PHIP: variants seen among roughly 807,000 people sequenced by gnomAD.
The protein encoded by PHIP is PH-interacting protein.
PHIP carries 54 observed loss-of-function variants against 236.8 expected under a neutral mutation model. That is an observed-to-expected ratio of 0.23 (90% CI 0.18 to 0.29). The LOEUF is 0.29. PHIP is among the 10% of genes least tolerant of loss of function. The pLI is 1.00. For synonymous variants in PHIP, 756 were observed against 718.9 expected, an observed-to-expected ratio of 1.05 and a Z score of -0.83; for missense variants, 1,370 against 2,190.8, an observed-to-expected ratio of 0.63 and a Z score of 7.48.
intron 4 of PHIP, among the ~76,000 whole-genome samples, chr6:79,074,510 G>A (rs898327930): frequency 1.3e-5 from 2 of 152,004 alleles, no homozygotes; most frequent in Admixed American, 1.3e-4. Flanking sequence ...CTTGGAAAAA[G>A]TGCCCCTTTT....
At chr6:78,993,866 C>G (rs911266523) in intron 19 of PHIP, among the ~76,000 whole-genome samples, 3 of 152,134 alleles carry the variant, frequency 2.0e-5, no homozygotes, top group African/African-American at 7.2e-5. Flanking sequence ...TAAGAAATTG[C>G]ATTTCATAAG....
Position 79,015,101 on chromosome 6 carries a change from A to G in PHIP, c.1505T>C (p.Ile502Thr), listed in dbSNP as rs1274930445. 1 of 1,611,066 alleles carries G rather than the reference A, an allele frequency of 6.2e-7. No homozygotes were observed. The highest frequency in any genetic ancestry group is 1.3e-5 in the African/African-American group (1 of 74,790). ...IVWDLARGVK[I>T]RSYFNMIEGQ... ...AATTACCATATTGAAATAAGATCGT[A>G]TTTTGACTCCTCTTGCCAGATCCCA... The change falls in exon 15 of 40, where the codon ATA (isoleucine) becomes ACA (threonine). Residue 502 changes from isoleucine (I) to threonine (T), a missense_variant. Ile to Thr is a moderately conservative substitution (Grantham distance 89, BLOSUM62 -1). Around this residue, in one of 14 missense-constraint regions of PHIP, gnomAD observed 188 missense variants for 354.3 expected, o/e 0.53. Transcript: ENST00000275034.
intron 19 of PHIP, among the ~76,000 whole-genome samples, chr6:78,992,648 T>C (rs1390327273): frequency 2.6e-5 from 4 of 152,188 alleles, no homozygotes; most frequent in South Asian, 4.1e-4. Flanking sequence ...CTGTTGTCAG[T>C]AATTTTTTAT....
At chr6:79,026,397 C>T (rs765791534) in intron 7 of PHIP, among the ~76,000 whole-genome samples, 93 of 151,922 alleles carry the variant, frequency 6.1e-4, no homozygotes, top group Non-Finnish European at 9.4e-4. Flanking sequence ...TAATATTTAC[C>T]TTTGGTTCCC....
intron 7 of PHIP, among the ~76,000 whole-genome samples, chr6:79,041,487 A>C (rs999774431): frequency 1.3e-5 from 2 of 152,134 alleles, no homozygotes; most frequent in Non-Finnish European, 2.9e-5. Context: ...CAATGGCATA[A>C]CTTTATACTG....
At position 79,019,665 on chromosome 6, in the gene PHIP, A is replaced by C. The variant is rs187298516; in HGVS notation, c.924-506T>G. On this transcript the variant is annotated intron_variant, in intron 9 of 39. Coordinates refer to ENST00000275034, the MANE Select transcript of PHIP (RefSeq NM_017934.7). ...AAACATGTCTTTTAAGACCCCAAAA[A>C]GTAGGGATATTACATTTAACCTAGT... Among the ~76,000 whole-genome samples, 96 of 152,214 alleles carry C rather than the reference A, an allele frequency of 6.3e-4. 1 individual carries two copies. The South Asian group carries it at 8.1e-3, about 13-fold the overall frequency.
intron 20 of PHIP, among the ~76,000 whole-genome samples, chr6:78,989,426 C>A (rs1769074108): frequency 6.6e-6 from 1 of 152,034 alleles, no homozygotes; most frequent in South Asian, 2.1e-4. Flanking sequence ...TGTCTCCCCA[C>A]CAACCAAACA....
chr6:78,998,621 T>C (rs1769779496), intron 17 of PHIP, among the ~76,000 whole-genome samples: 1 of 152,176 alleles, frequency 6.6e-6, no homozygotes, highest in African/African-American at 2.4e-5. Context: ...TACTAAGTGT[T>C]TATCATGACT....
At chr6:79,037,580 TAATC>T (rs1391902016) in intron 7 of PHIP, among the ~76,000 whole-genome samples, 3 of 152,090 alleles carry the variant, frequency 2.0e-5, no homozygotes, top group Admixed American at 2.0e-4. Flanking sequence ...ATAATAATAA[TAATC>T]AGCCACATGA....
intron 24 of PHIP, among the ~76,000 whole-genome samples, chr6:78,974,176 C>G (rs1010332828): frequency 6.6e-6 from 1 of 152,128 alleles, no homozygotes; most frequent in Non-Finnish European, 1.5e-5. Context: ...AACAAACTAT[C>G]TCTCAGACCA....
rs760645377 is a variant in PHIP at position 79,025,961 on chromosome 6, T to C, written c.804A>G (p.Ala268=). 2 of 1,610,214 alleles carry C rather than the reference T, an allele frequency of 1.2e-6. No individual in the cohort carries two copies. The highest frequency in any genetic ancestry group is 8.5e-7 in the Non-Finnish European group (1 of 1,176,680). Residue 268 remains alanine (A), a synonymous_variant, in exon 8 of 40, where the codon GCA becomes GCG. Transcript: ENST00000275034. ...APLAVLQGHS[A]SITSLQFSPL... is the part of the protein sequence containing the mutation. The stretch of plus-strand genomic sequence containing the variant: ...CAATTACCTGTAGTGATGTAATAGA[T>C]GCACTATGGCCCTGAAGAACAGCCA...
intron 24 of PHIP, among the ~76,000 whole-genome samples, chr6:78,971,998 G>C (rs764826149): frequency 3.3e-5 from 5 of 150,628 alleles, no homozygotes; most frequent in South Asian, 2.1e-4. Context: ...CAAAGCAGCC[G>C]GGAAGCTCGA....
Position 78,970,861 on chromosome 6 carries a change from C to T in PHIP, c.2917G>A (p.Ala973Thr). 6.2e-7 allele frequency: 1 copy of T among 1,608,134 alleles called. No individual in the cohort carries two copies. Among genetic ancestry groups the T allele is most frequent in the Non-Finnish European group, 8.5e-7 (1 of 1,177,646 alleles). The change falls in exon 25 of 40, where the codon GCC becomes ACC. Residue 973 changes from alanine (A) to threonine (T), a missense_variant. Ala to Thr is a moderately conservative substitution (Grantham distance 58, BLOSUM62 0). Around this residue, in one of 14 missense-constraint regions of PHIP, gnomAD observed 238 missense variants for 398.5 expected, o/e 0.60. Coordinates refer to ENST00000275034, the MANE Select transcript of PHIP (RefSeq NM_017934.7). ...TTTTTCCGGGCCATTTCGACATAGG[C>T]TTCATGTCCTTGTCGGAAATAATAA... is the stretch of plus-strand genomic sequence containing the variant. ...EVYYFRQGHE[A>T]YVEMARKNKI... is the part of the protein sequence containing the mutation.
intron 21 of PHIP, 68 bp downstream of exon 21, chr6:78,988,141 G>T: frequency 8.6e-7 from 1 of 1,162,938 alleles, no homozygotes; most frequent in Non-Finnish European, 1.2e-6. Context: ...TAAATGCGAA[G>T]AATGAAACTC....
intron 7 of PHIP, among the ~76,000 whole-genome samples, chr6:79,030,765 G>A (rs1043413027): frequency 4.6e-5 from 7 of 152,170 alleles, no homozygotes; most frequent in Non-Finnish European, 8.8e-5. Context: ...AGACCACTTA[G>A]TGTAGATTTT....
chr6:79,052,995 G>A (rs1041752532), intron 6 of PHIP, among the ~76,000 whole-genome samples: 1 of 152,150 alleles, frequency 6.6e-6, no homozygotes, highest in Admixed American at 6.5e-5. Context: ...ATTGGTTACT[G>A]CTTTTCTAAG....
chr6:79,004,087 AAAG>A, intron 15 of PHIP, among the ~76,000 whole-genome samples: 1 of 152,068 alleles, frequency 6.6e-6, no homozygotes, highest in Admixed American at 6.6e-5. Context: ...TCAGGAAATA[AAAG>A]AATACCAACT....
intron 22 of PHIP, among the ~76,000 whole-genome samples, chr6:78,983,785 A>T (rs1361620811): frequency 6.6e-6 from 1 of 152,182 alleles, no homozygotes. Flanking sequence ...CATGATTCAG[A>T]AAAATACAGG....
intron 4 of PHIP, among the ~76,000 whole-genome samples, chr6:79,064,160 G>T (rs903857451): frequency 6.6e-6 from 1 of 152,020 alleles, no homozygotes; most frequent in South Asian, 2.1e-4. Context: ...CTCTACTTAT[G>T]CTTTGAATCC....
Sources: gnomAD v4.1 joint callset for allele counts (sites outside exome capture counted in the v4.1 genomes callset) on GRCh38, gnomAD v4.1.1 for gene constraint, gnomAD v4.1.1 regional missense constraint, MANE v1.5 for transcripts, NCBI Gene and HGNC (gene_info 2026-07-23, HGNC 2026-07-21) for gene names.